Variants in ARRB1 observed in about 807,000 individuals in gnomAD.
ARRB1 encodes the protein arrestin beta 1.
In ARRB1, 21 loss-of-function variants were observed where a neutral mutation model predicts 56.8. That is an observed-to-expected ratio of 0.37 (90% CI 0.26 to 0.53). ARRB1 has a LOEUF of 0.53. ARRB1 is among the 20% of genes least tolerant of loss of function. ARRB1 has a pLI of 0.88. For missense variants in ARRB1, 424 were observed against 553.7 expected, an observed-to-expected ratio of 0.77 and a Z score of 2.35; for synonymous variants, 210 against 218.6, an observed-to-expected ratio of 0.96 and a Z score of 0.35.
chr11:75,281,899 G>C, intron 6 of ARRB1, 63 bp downstream of exon 6: 1 of 1,539,128 alleles, frequency 6.5e-7, no homozygotes, highest in Middle Eastern at 1.7e-4. Flanking sequence ...CAGGGAGAAA[G>C]CCAGGGACCT....
At chr11:75,306,573 C>T (rs1947035954) in intron 1 of ARRB1, 1 of 1,284,254 alleles carries the variant, frequency 7.8e-7, no homozygotes, top group Non-Finnish European at 1.0e-6. Context: ...AGATGAGAGC[C>T]CAAAGATTCA....
At chr11:75,312,082 G>C in intron 1 of ARRB1, 1 of 1,289,468 alleles carries the variant, frequency 7.8e-7, no homozygotes, top group Non-Finnish European at 1.0e-6. Flanking sequence ...CCCGCTGCAA[G>C]TCTCCTTCCA....
Position 75,314,495 on chromosome 11 carries a change from G to T in ARRB1, c.21-24456C>A, listed in dbSNP as rs187106553. ...GGCCCACAGAAGGGCAGGACTTGCT[G>T]CAGGCCCCAGAGTGTCACTCTGGGA... On this transcript the variant is annotated intron_variant, in intron 1 of 15. Coordinates refer to ENST00000420843, the MANE Select transcript of ARRB1 (RefSeq NM_004041.5). Among the ~76,000 whole-genome samples the T allele has an allele frequency of 2.3e-3, 348 of 152,328 alleles. 1 individual carries two copies. The highest frequency in any genetic ancestry group is 7.8e-3 in the African/African-American group (326 of 41,572).
chr11:75,268,548 A>G (rs1945996554), intron 14 of ARRB1, among the ~76,000 whole-genome samples: 2 of 151,236 alleles, frequency 1.3e-5, no homozygotes, highest in Admixed American at 1.3e-4. Context: ...AAGAAGAAAA[A>G]CATGACAATA....
In ARRB1 at chr11:75,262,617, G is replaced by A. The variant is rs569540565; in HGVS notation, c.*3546C>T. ...ATTTTCAACTTACAGAGCCCTGACC[G>A]CTGACTTTCATCTCATCTGGGCCTC... is the stretch of plus-strand genomic sequence containing the variant. On this transcript the variant is annotated 3_prime_UTR_variant, in exon 16 of 16. Transcript: ENST00000420843. Among the ~76,000 whole-genome samples, 103 of 152,292 alleles carry A rather than the reference G, an allele frequency of 6.8e-4. No individual in the cohort carries two copies. The highest frequency in any genetic ancestry group is 2.3e-3 in the African/African-American group (95 of 41,562).
At chr11:75,289,638 C>A (rs542275694) in intron 2 of ARRB1, among the ~76,000 whole-genome samples, 1 of 152,280 alleles carries the variant, frequency 6.6e-6, no homozygotes, top group East Asian at 1.9e-4. Context: ...GCTGCCCTGG[C>A]TAAGGAGGTG....
At chr11:75,298,565 A>G (rs887355874) in intron 1 of ARRB1, among the ~76,000 whole-genome samples, 1 of 152,222 alleles carries the variant, frequency 6.6e-6, no homozygotes, top group Non-Finnish European at 1.5e-5. Context: ...GAGAAACTGG[A>G]AACTTCATAC....
chr11:75,290,074 C>G (rs374327011), intron 1 of ARRB1, 35 bp from the exon 2 acceptor site: 1 of 1,613,750 alleles, frequency 6.2e-7, no homozygotes, highest in African/African-American at 1.3e-5. Context: ...CCAGGGTTCG[C>G]GTATCCTGCC....
intron 1 of ARRB1, among the ~76,000 whole-genome samples, chr11:75,333,388 AAC>A (rs1947550224): frequency 6.6e-6 from 1 of 152,214 alleles, no homozygotes; most frequent in Admixed American, 6.5e-5. Flanking sequence ...GCTTCTTGCC[AAC>A]CAGTTCAGGG....
chr11:75,339,824 G>T (rs1432510280), intron 1 of ARRB1, among the ~76,000 whole-genome samples: 1 of 152,184 alleles, frequency 6.6e-6, no homozygotes, highest in East Asian at 1.9e-4. Flanking sequence ...AGAAAGCTTT[G>T]TTCCTTGGAA....
chr11:75,272,824 G>A lies in ARRB1; in HGVS notation c.998+71C>T, dbSNP rs533074595. The A allele has an allele frequency of 1.0e-5, 15 of 1,478,226 alleles. No individual in the cohort carries two copies. In the East Asian group the frequency reaches 2.9e-4, roughly 29 times the overall value. 91.6% of individuals were successfully genotyped at this position (1,478,226 alleles called of 1,614,324 possible). A position where few individuals can be genotyped will look rare whatever the true frequency, so the allele number is the denominator to read the frequency against. ...AAGGGCTGCAAACAGGCAGAATGGG[G>A]CAGGGGCCTGTGGGCACCTGGGACG... On this transcript the variant is annotated intron_variant, in intron 12 of 15. Transcript: ENST00000420843.
chr11:75,346,586 C>T (rs539287285), intron 1 of ARRB1, among the ~76,000 whole-genome samples: 3 of 152,324 alleles, frequency 2.0e-5, no homozygotes, highest in Admixed American at 6.5e-5. Context: ...GCCCTCACCA[C>T]TCCACCAAAA....
intron 11 of ARRB1, 71 bp downstream of exon 11, chr11:75,274,003 G>A: frequency 6.2e-7 from 1 of 1,603,682 alleles, no homozygotes; most frequent in Non-Finnish European, 8.5e-7. Context: ...TGAACTGGGG[G>A]GACCAAGGAG....
At chr11:75,343,042 G>A (rs888463299) in intron 1 of ARRB1, among the ~76,000 whole-genome samples, 2 of 152,170 alleles carry the variant, frequency 1.3e-5, no homozygotes, top group African/African-American at 4.8e-5. Flanking sequence ...TCCTCCCAGC[G>A]AAATGCCTTG....
intron 1 of ARRB1, among the ~76,000 whole-genome samples, chr11:75,316,390 C>G (rs150015559): frequency 1.3e-5 from 2 of 151,880 alleles, no homozygotes; most frequent in African/African-American, 2.4e-5. Flanking sequence ...AAGAGGTGAT[C>G]GGCTTCGTTT....
intron 5 of ARRB1, among the ~76,000 whole-genome samples, chr11:75,282,685 A>T (rs1591913379): frequency 6.6e-6 from 1 of 152,274 alleles, no homozygotes; most frequent in East Asian, 1.9e-4. Flanking sequence ...TGTTGTTTTA[A>T]TTGCTGCCGA....
intron 1 of ARRB1, among the ~76,000 whole-genome samples, chr11:75,320,460 A>T (rs1416406282): frequency 6.6e-6 from 1 of 152,234 alleles, no homozygotes; most frequent in Admixed American, 6.5e-5. Flanking sequence ...TGAGGCCTCC[A>T]AGGGCGGGTG....
At chr11:75,295,384 C>T (rs576614727) in intron 1 of ARRB1, among the ~76,000 whole-genome samples, 7 of 152,170 alleles carry the variant, frequency 4.6e-5, no homozygotes, top group Non-Finnish European at 8.8e-5. Context: ...CCCAGCCCTT[C>T]CCAGCTTCTA....
intron 3 of ARRB1, among the ~76,000 whole-genome samples, chr11:75,286,633 G>T (rs1946484872): frequency 6.6e-6 from 1 of 152,072 alleles, no homozygotes; most frequent in Non-Finnish European, 1.5e-5. Flanking sequence ...AGAGACCAGG[G>T]ATGTGGCTAT....
Sources: allele counts gnomAD v4.1 joint callset (sites outside exome capture counted in the v4.1 genomes callset), GRCh38; gene constraint gnomAD v4.1.1; transcripts MANE v1.5; gene names NCBI Gene and HGNC (gene_info 2026-07-23, HGNC 2026-07-21).